The following CYSLTR2 variants were observed in gnomAD, a reference collection of about 807,000 sequenced individuals.
CYSLTR2 encodes the protein cysteinyl leukotriene receptor 2.
For missense variants in CYSLTR2, 398 were observed against 411.9 expected, an observed-to-expected ratio of 0.97 and a Z score of 0.29; for synonymous variants, 179 against 160.8, an observed-to-expected ratio of 1.11 and a Z score of -0.86.
intron 1 of CYSLTR2, among the ~76,000 whole-genome samples, chr13:48,687,515 AATC>A (rs922960059): frequency 1.3e-5 from 2 of 152,062 alleles, no homozygotes; most frequent in African/African-American, 4.8e-5. Context: ...ATCATCTATC[AATC>A]ATCTATTATC....
intron 4 of CYSLTR2, among the ~76,000 whole-genome samples, chr13:48,700,642 A>G (rs1566104814): frequency 6.6e-6 from 1 of 152,246 alleles, no homozygotes; most frequent in African/African-American, 2.4e-5. Flanking sequence ...CTCCTATTCA[A>G]CATAGTGTTG....
chr13:48,671,747 G>T (rs949418548), intron 1 of CYSLTR2, among the ~76,000 whole-genome samples: 4 of 152,074 alleles, frequency 2.6e-5, no homozygotes, highest in African/African-American at 9.6e-5. Context: ...TCTTTTTTTT[G>T]TTGTGTCTCT....
At chr13:48,704,337 A>G (rs1024370896) in intron 4 of CYSLTR2, among the ~76,000 whole-genome samples, 13 of 152,216 alleles carry the variant, frequency 8.5e-5, no homozygotes, top group Admixed American at 7.9e-4. Flanking sequence ...AGCCTGTGCA[A>G]CATGGAGATA....
In CYSLTR2 at chr13:48,685,384, T is replaced by A. The variant is rs199799558; in HGVS notation, c.-265-5828T>A. 3.3e-5 allele frequency among the ~76,000 whole-genome samples: 5 copies of A among 152,210 alleles called. No individual in the cohort carries two copies. The East Asian group carries it at 5.8e-4, about 18-fold the overall frequency. On this transcript the variant is annotated intron_variant, in intron 1 of 4. Transcript: ENST00000682523. ...CAATCACCTCCCACCAGGCCCCACC[T>A]CCAACACTGGAGATTACAATTGAAC...
chr13:48,696,066 C>T (rs117414806), intron 3 of CYSLTR2, among the ~76,000 whole-genome samples: 12 of 152,282 alleles, frequency 7.9e-5, no homozygotes, highest in East Asian at 5.8e-4. Context: ...TTGATGTAGT[C>T]GCTATGTTTT....
intron 1 of CYSLTR2, among the ~76,000 whole-genome samples, chr13:48,685,093 G>T (rs948134121): frequency 7.9e-5 from 12 of 152,140 alleles, no homozygotes; most frequent in African/African-American, 2.7e-4. Context: ...AATAAAAGAG[G>T]TTTAATTGGC....
chr13:48,694,389 A>C (rs1199609427), intron 3 of CYSLTR2, among the ~76,000 whole-genome samples: 1 of 152,206 alleles, frequency 6.6e-6, no homozygotes, highest in African/African-American at 2.4e-5. Context: ...GACAAACAAC[A>C]CTTAGGACAA....
At chr13:48,673,719 G>A (rs527866237) in intron 1 of CYSLTR2, among the ~76,000 whole-genome samples, 5 of 152,074 alleles carry the variant, frequency 3.3e-5, no homozygotes, top group Middle Eastern at 3.4e-3. Context: ...TTATAGTGTC[G>A]ACGGTCTTTA....
At chr13:48,681,332 G>A (rs1292324672) in intron 1 of CYSLTR2, among the ~76,000 whole-genome samples, 2 of 152,144 alleles carry the variant, frequency 1.3e-5, no homozygotes, top group Non-Finnish European at 2.9e-5. Context: ...TAGGGGAAAC[G>A]GACCCTTGTC....
intron 1 of CYSLTR2, among the ~76,000 whole-genome samples, chr13:48,687,906 A>G (rs1209303663): frequency 6.6e-6 from 1 of 152,234 alleles, no homozygotes; most frequent in Non-Finnish European, 1.5e-5. Flanking sequence ...AAAATTGTTA[A>G]TTACAACAGG....
chr13:48,707,294 T>G lies in CYSLTR2; in HGVS notation c.477T>G (p.Cys159Trp). The G allele has an allele frequency of 1.2e-6, 2 of 1,614,050 alleles. No individual in the cohort carries two copies. The highest frequency in any genetic ancestry group is 1.7e-6 in the Non-Finnish European group (2 of 1,180,032). The part of the protein sequence containing the change: ...VTSIRSAWIL[C>W]GIIWILIMAS... ...GCATCAGGAGTGCCTGGATCCTCTG[T>G]GGGATCATATGGATCCTTATCATGG... Residue 159 changes from cysteine to tryptophan, a missense_variant, in exon 5 of 5, where the codon TGT becomes TGG. Transcript: ENST00000682523.
intron 1 of CYSLTR2, among the ~76,000 whole-genome samples, chr13:48,689,040 G>T (rs982267448): frequency 6.6e-6 from 1 of 152,126 alleles, no homozygotes; most frequent in African/African-American, 2.4e-5. Flanking sequence ...ATGTTTGTTG[G>T]CCGCATAAAT....
intron 1 of CYSLTR2, among the ~76,000 whole-genome samples, chr13:48,683,485 T>A (rs578178427): frequency 2.0e-5 from 3 of 152,238 alleles, no homozygotes; most frequent in African/African-American, 2.4e-5. Context: ...TGATCAGTGA[T>A]ATTGAGCTTT....
At chr13:48,659,349 T>C (rs1441244983) in intron 1 of CYSLTR2, among the ~76,000 whole-genome samples, 1 of 152,358 alleles carries the variant, frequency 6.6e-6, no homozygotes, top group Non-Finnish European at 1.5e-5. Flanking sequence ...TGTTGAGTAC[T>C]TTCTGATGGT....
intron 1 of CYSLTR2, among the ~76,000 whole-genome samples, chr13:48,676,166 C>T (rs1216932269): frequency 6.6e-6 from 1 of 152,198 alleles, no homozygotes; most frequent in East Asian, 1.9e-4. Flanking sequence ...ATTTGTCTAT[C>T]CAAGGTCACC....
rs1954617356 is a variant in CYSLTR2, at chr13:48,710,956, G to A, written c.*3098G>A. On this transcript the variant is annotated 3_prime_UTR_variant, in exon 5 of 5. Transcript: ENST00000682523. ...GTGTACGTGTGTGGGAGAGGTATAA[G>A]AGACCTAGGTTGCCATATTCTATCA... is the stretch of plus-strand genomic sequence containing the variant. The A allele has an allele frequency of 6.6e-6, 1 of 152,152 alleles. No individual in the cohort carries two copies. Among genetic ancestry groups the A allele is most frequent in the Admixed American group, 6.6e-5 (1 of 15,260 alleles). The allele number at this position is 152,152 out of a possible 1,614,324, so 9.4% of individuals were successfully genotyped here.
chr13:48,679,721 G>A (rs1340733056), intron 1 of CYSLTR2, among the ~76,000 whole-genome samples: 1 of 152,190 alleles, frequency 6.6e-6, no homozygotes, highest in Non-Finnish European at 1.5e-5. Flanking sequence ...CCCCTTGTTG[G>A]ATGAAGGAGC....
chr13:48,689,921 CTT>C (rs2138934064), intron 1 of CYSLTR2, among the ~76,000 whole-genome samples: 1 of 152,176 alleles, frequency 6.6e-6, no homozygotes, highest in Non-Finnish European at 1.5e-5. Flanking sequence ...TGTGTCCTCT[CTT>C]ATTTCCTTGA....
chr13:48,661,189 C>T (rs866402307), intron 1 of CYSLTR2, among the ~76,000 whole-genome samples: 2 of 151,882 alleles, frequency 1.3e-5, no homozygotes, highest in Admixed American at 6.6e-5. Flanking sequence ...TGGGCTCAAG[C>T]GATCTTCCTG....
Sources: gnomAD v4.1 joint callset for allele counts (sites outside exome capture counted in the v4.1 genomes callset) on GRCh38, gnomAD v4.1.1 for gene constraint, MANE v1.5 for transcripts, NCBI Gene and HGNC (gene_info 2026-07-23, HGNC 2026-07-21) for gene names.